The following CLDN16 variants were observed in gnomAD, a reference collection of about 807,000 sequenced individuals.
The protein encoded by CLDN16 is claudin 16.
A neutral mutation model predicts 24.6 loss-of-function variants in CLDN16; 13 were observed. The observed-to-expected ratio is 0.53, with a 90% CI of 0.34 to 0.84. The LOEUF (loss-of-function observed/expected upper bound fraction) is 0.84, where lower values mean the gene tolerates loss of function less well. CLDN16 is among the 40% of genes least tolerant of loss of function. CLDN16 has a pLI of 0.01. For synonymous variants in CLDN16, 116 were observed against 106.7 expected (o/e 1.09, Z -0.54); for missense variants, 298 against 292.7 (o/e 1.02, Z -0.13).
intron 3 of CLDN16, among the ~76,000 whole-genome samples, chr3:190,378,184 C>CTAA (rs886870908): frequency 6.6e-6 from 1 of 151,726 alleles, no homozygotes; most frequent in African/African-American, 2.4e-5. Context: ...AAGCAAAGAG[C>CTAA]TAATAATAAT....
chr3:190,293,412 C>T, the CLDN16 span, among the ~76,000 whole-genome samples: 327 of 152,280 alleles, frequency 2.1e-3, 2 homozygotes, highest in African/African-American at 7.7e-3. Context: ...CCTTGTAGAT[C>T]ATATTCCAAG....
intron 1 of CLDN16, among the ~76,000 whole-genome samples, 167 bp downstream of exon 1, chr3:190,388,610 T>C (rs938737896): frequency 2.0e-5 from 3 of 152,200 alleles, no homozygotes; most frequent in African/African-American, 4.8e-5. Context: ...TTAATCCTCA[T>C]AGTTAATTTA....
At chr3:190,293,852 C>T in the CLDN16 span, among the ~76,000 whole-genome samples, 3 of 152,146 alleles carry the variant, frequency 2.0e-5, no homozygotes, top group African/African-American at 7.2e-5. Flanking sequence ...GACAAAGGGT[C>T]TAAAAGAGGG....
intron 1 of CLDN16, among the ~76,000 whole-genome samples, chr3:190,390,622 A>G (rs1473455011): frequency 6.6e-6 from 1 of 152,160 alleles, no homozygotes; most frequent in Non-Finnish European, 1.5e-5. Context: ...TTTTAAAGAG[A>G]CAATAATCTC....
At chr3:190,389,413 C>T (rs1158123264) in intron 1 of CLDN16, among the ~76,000 whole-genome samples, 2 of 152,176 alleles carry the variant, frequency 1.3e-5, no homozygotes, top group African/African-American at 2.4e-5. Context: ...GAAAGATACT[C>T]GACTGAGTTT....
intron 1 of CLDN16, among the ~76,000 whole-genome samples, chr3:190,348,506 G>T (rs1295387658): frequency 6.6e-6 from 1 of 152,096 alleles, no homozygotes; most frequent in African/African-American, 2.4e-5. Context: ...CTACAACACA[G>T]GCCTGCAGTC....
chr3:190,380,832 A>G (rs959977903), intron 3 of CLDN16, among the ~76,000 whole-genome samples: 1 of 152,078 alleles, frequency 6.6e-6, no homozygotes, highest in Non-Finnish European at 1.5e-5. Context: ...TTGTGTATCA[A>G]GAAATCTGGA....
intron 1 of CLDN16, 144 bp downstream of exon 1, chr3:190,388,587 A>G (rs1319352175): frequency 1.4e-5 from 11 of 761,868 alleles, no homozygotes; most frequent in Non-Finnish European, 2.4e-5. Context: ...GAGTCTTTAC[A>G]TTATTAGCTC....
intron 1 of CLDN16, among the ~76,000 whole-genome samples, chr3:190,396,455 G>A (rs1718819419): frequency 6.6e-6 from 1 of 152,164 alleles, no homozygotes; most frequent in Admixed American, 6.5e-5. Flanking sequence ...AACTTCCAAT[G>A]AGAGTATATG....
At chr3:190,329,645 T>C (rs567248646) in intron 1 of CLDN16, among the ~76,000 whole-genome samples, 2 of 152,306 alleles carry the variant, frequency 1.3e-5, no homozygotes, top group South Asian at 2.1e-4. Context: ...GAAAAGTGGG[T>C]ATTAGACATT....
At chr3:190,389,655 T>C (rs199611548) in intron 1 of CLDN16, among the ~76,000 whole-genome samples, 2 of 152,100 alleles carry the variant, frequency 1.3e-5, no homozygotes, top group Non-Finnish European at 2.9e-5. Context: ...CTGTAAAGGA[T>C]GTCTGCTATA....
chr3:190,297,778 GAA>G, the CLDN16 span, among the ~76,000 whole-genome samples: 7 of 134,082 alleles, frequency 5.2e-5, no homozygotes, highest in Admixed American at 3.0e-4. Flanking sequence ...ATACATACCT[GAA>G]AAAAAAAAAA....
At chr3:190,400,789 C>T (rs917557896) in intron 1 of CLDN16, among the ~76,000 whole-genome samples, 4 of 152,032 alleles carry the variant, frequency 2.6e-5, no homozygotes, top group Admixed American at 6.6e-5. Context: ...CATGGAGGTG[C>T]GCACATACTG....
chr3:190,357,806 C>T (rs1348865569), intron 1 of CLDN16, among the ~76,000 whole-genome samples: 1 of 151,950 alleles, frequency 6.6e-6, no homozygotes, highest in Non-Finnish European at 1.5e-5. Context: ...CTAAAGCCAT[C>T]TTTGGGTCTG....
intron 1 of CLDN16, among the ~76,000 whole-genome samples, chr3:190,399,370 G>A (rs1019030291): frequency 4.6e-5 from 7 of 152,050 alleles, no homozygotes; most frequent in Admixed American, 1.3e-4. Flanking sequence ...AAAGTAGCCT[G>A]GCGTGGTGGC....
upstream of CLDN16, among the ~76,000 whole-genome samples, chr3:190,319,934 T>A (rs1179862921): frequency 6.6e-6 from 1 of 152,112 alleles, no homozygotes; most frequent in African/African-American, 2.4e-5. Context: ...CACCTGTGAG[T>A]CAAGGGTCCC....
At chr3:190,339,615 G>A (rs1717385071) in intron 1 of CLDN16, among the ~76,000 whole-genome samples, 2 of 152,208 alleles carry the variant, frequency 1.3e-5, no homozygotes. Flanking sequence ...AGGTAAACTT[G>A]TAAGATAGGT....
chr3:190,373,230 C>T (rs569034297), intron 2 of CLDN16, among the ~76,000 whole-genome samples: 2 of 115,570 alleles, frequency 1.7e-5, no homozygotes, highest in East Asian at 4.8e-4. Context: ...ATATCTGTTT[C>T]AGCAGGGGTT....
the CLDN16 span, among the ~76,000 whole-genome samples, chr3:190,295,644 T>C: frequency 6.6e-6 from 1 of 152,286 alleles, no homozygotes; most frequent in South Asian, 2.1e-4. Flanking sequence ...ACTCAGAAGA[T>C]CCATGTTTAC....
Sources: allele counts gnomAD v4.1 joint callset (sites outside exome capture counted in the v4.1 genomes callset), GRCh38; gene constraint gnomAD v4.1.1; transcripts MANE v1.5; gene names NCBI Gene and HGNC (gene_info 2026-07-23, HGNC 2026-07-21).